The following SCN8A variants were observed in gnomAD, a reference collection of about 807,000 sequenced individuals.
SCN8A encodes sodium voltage-gated channel alpha subunit 8, also known as sodium channel protein type 8 subunit alpha.
A neutral mutation model predicts 184.1 loss-of-function variants in SCN8A; 30 were observed. The ratio of observed to expected loss-of-function variants is 0.16; its 90% confidence interval spans 0.12 to 0.22. The LOEUF (loss-of-function observed/expected upper bound fraction) is 0.22, where lower values mean the gene tolerates loss of function less well. SCN8A is among the 10% of genes least tolerant of loss of function. The pLI is 1.00. For synonymous variants in SCN8A, 852 were observed against 907.0 expected, an observed-to-expected ratio of 0.94 and a Z score of 1.09; for missense variants, 1,057 against 2,498.9, an observed-to-expected ratio of 0.42 and a Z score of 12.30.
At chr12:51,675,146 A>G (rs1941201669) in intron 2 of SCN8A, among the ~76,000 whole-genome samples, 1 of 152,236 alleles carries the variant, frequency 6.6e-6, no homozygotes, top group African/African-American at 2.4e-5. Context: ...TCAAATTTAT[A>G]TCGAAGGACA....
At chr12:51,774,383 T>C (rs747970902) in intron 20 of SCN8A, 21 bp downstream of exon 20, 1 of 1,578,396 alleles carries the variant, frequency 6.3e-7, no homozygotes, top group East Asian at 2.3e-5. Context: ...TGCTTTCTGT[T>C]TCCCACCCCT....
At chr12:51,658,131 G>T (rs1940858694) in intron 1 of SCN8A, among the ~76,000 whole-genome samples, 1 of 151,940 alleles carries the variant, frequency 6.6e-6, no homozygotes, top group African/African-American at 2.4e-5. Context: ...TTTTAGGATT[G>T]TTTTTTCTAT....
At chr12:51,644,575 C>T (rs973533862) in intron 1 of SCN8A, among the ~76,000 whole-genome samples, 8 of 152,292 alleles carry the variant, frequency 5.3e-5, no homozygotes, top group South Asian at 2.1e-4. Flanking sequence ...GGCGTGATCT[C>T]GGCTCGCTAC....
chr12:51,609,505 T>TA (rs1939669575), intron 1 of SCN8A, among the ~76,000 whole-genome samples: 1 of 152,228 alleles, frequency 6.6e-6, no homozygotes, highest in African/African-American at 2.4e-5. Context: ...GATAGTTTCC[T>TA]GTTGGACAAG....
chr12:51,723,816 C>G (rs547614170), intron 12 of SCN8A, among the ~76,000 whole-genome samples: 1 of 151,104 alleles, frequency 6.6e-6, no homozygotes, highest in South Asian at 2.1e-4. Flanking sequence ...CCACTGCACT[C>G]CAGCCTGGGC....
At chr12:51,741,209 C>T (rs415640) in intron 12 of SCN8A, among the ~76,000 whole-genome samples, 1 of 152,220 alleles carries the variant, frequency 6.6e-6, no homozygotes, top group African/African-American at 2.4e-5. Context: ...TCATTATGTA[C>T]TAGCGATCTC....
At chr12:51,620,031 A>G (rs552509518) in intron 1 of SCN8A, among the ~76,000 whole-genome samples, 17 of 152,334 alleles carry the variant, frequency 1.1e-4, no homozygotes, top group Middle Eastern at 3.4e-3. Context: ...CCCTAGATCA[A>G]GACATTCAGT....
chr12:51,734,416 A>G (rs528795558), intron 12 of SCN8A, among the ~76,000 whole-genome samples: 2 of 152,364 alleles, frequency 1.3e-5, no homozygotes, highest in East Asian at 3.9e-4. Context: ...AGTATCCCTT[A>G]TGGGAAAAGA....
At position 51,724,218 on chromosome 12, in the gene SCN8A, G is replaced by C. The variant is rs1437662286; in HGVS notation, c.1998+2310G>C. The stretch of plus-strand genomic sequence containing the variant: ...CCCAGCACTTTAGGAGGCTGAGGTG[G>C]GCAGATCACCTGAGGTCTGGAGTTT... On this transcript the variant is annotated intron_variant, in intron 12 of 26. Coordinates refer to ENST00000627620, the MANE Select transcript of SCN8A (RefSeq NM_001330260.2). Among the ~76,000 whole-genome samples, 4 of 152,282 alleles carry C rather than the reference G, an allele frequency of 2.6e-5. No individual in the cohort carries two copies. The Middle Eastern group carries it at 0.01, about 388-fold the overall frequency.
intron 1 of SCN8A, among the ~76,000 whole-genome samples, chr12:51,613,539 T>G (rs1939768142): frequency 6.6e-6 from 1 of 152,092 alleles, no homozygotes; most frequent in African/African-American, 2.4e-5. Flanking sequence ...ATTCATCTTT[T>G]CAAAGAACCA....
intron 1 of SCN8A, among the ~76,000 whole-genome samples, chr12:51,608,060 G>A (rs1201457932): frequency 1.0e-4 from 14 of 136,946 alleles, no homozygotes; most frequent in African/African-American, 3.0e-4. Context: ...TTGCTCTGTC[G>A]CCCAGGCTGG....
intron 1 of SCN8A, among the ~76,000 whole-genome samples, chr12:51,632,032 C>T (rs1940206690): frequency 6.6e-6 from 1 of 152,142 alleles, no homozygotes; most frequent in Non-Finnish European, 1.5e-5. Context: ...CAGATAAGAA[C>T]AGAAGAGTTT....
intron 1 of SCN8A, among the ~76,000 whole-genome samples, chr12:51,658,570 C>T (rs1459264427): frequency 6.6e-6 from 1 of 152,048 alleles, no homozygotes; most frequent in African/African-American, 2.4e-5. Context: ...CACAAAGGCT[C>T]ACATATTGTG....
intron 12 of SCN8A, among the ~76,000 whole-genome samples, chr12:51,728,855 C>A (rs1046248413): frequency 6.6e-6 from 1 of 152,132 alleles, no homozygotes; most frequent in South Asian, 2.1e-4. Flanking sequence ...CATGCACCCC[C>A]CAACCCATCA....
chr12:51,792,374 G>A (rs929046848), intron 25 of SCN8A, among the ~76,000 whole-genome samples: 9 of 150,246 alleles, frequency 6.0e-5, no homozygotes, highest in African/African-American at 2.2e-4. Context: ...CCCAGCTACT[G>A]AGAAGGCTGA....
chr12:51,735,931 G>A (rs1332131197), intron 12 of SCN8A, among the ~76,000 whole-genome samples: 1 of 152,190 alleles, frequency 6.6e-6, no homozygotes, highest in Non-Finnish European at 1.5e-5. Context: ...CACCAAATCA[G>A]TTGTTCTGTT....
At chr12:51,597,400 G>A (rs536788742) in intron 1 of SCN8A, among the ~76,000 whole-genome samples, 1 of 152,158 alleles carries the variant, frequency 6.6e-6, no homozygotes, top group South Asian at 2.1e-4. Context: ...AAATTTTTGG[G>A]GGTTCCTGGG....
At chr12:51,712,950 T>G in intron 11 of SCN8A, 6 of 1,594,274 alleles carry the variant, frequency 3.8e-6, no homozygotes, top group Non-Finnish European at 5.2e-6. Flanking sequence ...AATTGCCAGA[T>G]CCACCTCCAC....
At chr12:51,640,212 GTTTTTTTTTTTTTTTTTTTTTT>G (rs57362371) in intron 1 of SCN8A, among the ~76,000 whole-genome samples, 37 of 34,776 alleles carry the variant, frequency 1.1e-3, no homozygotes, top group Admixed American at 3.2e-3. Context: ...TGCCTGGCCT[GTTTTTTTTTTTTTTTTTTTTTT>G]TTTTTTTTTT....
Sources: allele counts gnomAD v4.1 joint callset (sites outside exome capture counted in the v4.1 genomes callset), GRCh38; gene constraint gnomAD v4.1.1; transcripts MANE v1.5; gene names NCBI Gene and HGNC (gene_info 2026-07-23, HGNC 2026-07-21).